The following GRB2 variants were observed in gnomAD, a reference collection of about 807,000 sequenced individuals.
The protein encoded by GRB2 is growth factor receptor bound protein 2.
Under a neutral mutation model 27.4 loss-of-function variants are expected in GRB2, and 2 were observed. That is an observed-to-expected ratio of 0.07 (90% CI 0.03 to 0.23). GRB2 has a LOEUF of 0.23. Ranked by LOEUF, GRB2 falls within the 10% of genes least tolerant of loss-of-function variation. The pLI is 1.00. For synonymous variants in GRB2, 94 were observed against 99.6 expected (o/e 0.94, Z 0.33); for missense variants, 102 against 282.4 (o/e 0.36, Z 4.58).
intron 1 of GRB2, among the ~76,000 whole-genome samples, chr17:75,395,483 G>A (rs996092972): frequency 6.6e-6 from 1 of 152,152 alleles, no homozygotes; most frequent in Admixed American, 6.5e-5. Context: ...AAACTAATCC[G>A]TGTACATAAT....
chr17:75,388,769 C>T (rs1366549771), intron 2 of GRB2, among the ~76,000 whole-genome samples: 1 of 151,958 alleles, frequency 6.6e-6, no homozygotes, highest in Non-Finnish European at 1.5e-5. Flanking sequence ...AATTTGAACC[C>T]CTGAAATGGG....
At chr17:75,386,298 T>C (rs1446784475) in intron 2 of GRB2, among the ~76,000 whole-genome samples, 1 of 152,156 alleles carries the variant, frequency 6.6e-6, no homozygotes, top group Admixed American at 6.6e-5. Context: ...TGTGTATTTT[T>C]AGTAGAAACG....
At chr17:75,395,789 A>G (rs1252729707) in intron 1 of GRB2, among the ~76,000 whole-genome samples, 1 of 151,872 alleles carries the variant, frequency 6.6e-6, no homozygotes, top group East Asian at 1.9e-4. Flanking sequence ...GTTATGAAAT[A>G]CTACTCACTG....
rs10611022 is a variant in GRB2 at position 75,319,316 on chromosome 17, TA to T, written c.*1051del. On this transcript the variant is annotated 3_prime_UTR_variant, in exon 6 of 6. Transcript: ENST00000316804. Reference sequence around the variant, plus strand: ...TAACTTATTTTAAAACAAAACAAATTAAAAAAAAAAAAAAAACACCACTCAG... The same window carrying T: ...TAACTTATTTTAAAACAAAACAAATTAAAAAAAAAAAAAAACACCACTCAG... The T allele has an allele frequency of 0.05, 6,897 of 138,840 alleles. 353 individuals are homozygous for T. The highest frequency in any genetic ancestry group is 0.14 in the African/African-American group (5,032 of 35,910). 8.6% of individuals were successfully genotyped at this position (138,840 alleles called of 1,614,324 possible). A position where few individuals can be genotyped will look rare whatever the true frequency, so the allele number is the denominator to read the frequency against.
At chr17:75,374,421 A>AT (rs1031376084) in intron 2 of GRB2, among the ~76,000 whole-genome samples, 8 of 151,240 alleles carry the variant, frequency 5.3e-5, no homozygotes, top group Non-Finnish European at 1.2e-4. Flanking sequence ...AAAAAAAAAA[A>AT]AAAGAATTCC....
chr17:75,320,641 G>C lies in GRB2; in HGVS notation c.469-88C>G. 1.1e-6 allele frequency: 1 copy of C among 900,132 alleles called. No individual in the cohort carries two copies. The highest frequency in any genetic ancestry group is 1.8e-6 in the Non-Finnish European group (1 of 563,588). The allele number at this position is 900,132 out of a possible 1,614,324, so 55.8% of individuals were successfully genotyped here. A position where few individuals can be genotyped will look rare whatever the true frequency, so the allele number is the denominator to read the frequency against. ...GGCCAGATGGGTTCCAGGGGGAAAC[G>C]AATGCGTGCCAAATTCTCCATGTTT... is the stretch of plus-strand genomic sequence containing the variant. On this transcript the variant is annotated intron_variant, in intron 5 of 5. Coordinates refer to ENST00000316804, the MANE Select transcript of GRB2 (RefSeq NM_002086.5). The surrounding 1 kb of genome is among the most constrained non-coding windows in gnomAD (Gnocchi z 4.3).
intron 2 of GRB2, among the ~76,000 whole-genome samples, chr17:75,379,146 G>GT (rs1208721178): frequency 1.3e-5 from 2 of 152,104 alleles, no homozygotes; most frequent in Non-Finnish European, 2.9e-5. Context: ...TGCAATAAAA[G>GT]TAACTATGGC....
chr17:75,345,740 A>G (rs962773172), intron 2 of GRB2, among the ~76,000 whole-genome samples: 6 of 151,750 alleles, frequency 4.0e-5, no homozygotes, highest in African/African-American at 1.5e-4. Flanking sequence ...GAATGCAGAG[A>G]GTTCAACAGG....
intron 2 of GRB2, among the ~76,000 whole-genome samples, chr17:75,363,793 G>C (rs2078801354): frequency 6.9e-6 from 1 of 145,030 alleles, no homozygotes; most frequent in Non-Finnish European, 1.5e-5. Context: ...CCGGGAGGTG[G>C]AGATTGCAGC....
intron 2 of GRB2, among the ~76,000 whole-genome samples, chr17:75,340,604 C>A (rs2078614268): frequency 6.6e-6 from 1 of 152,126 alleles, no homozygotes; most frequent in Non-Finnish European, 1.5e-5. Flanking sequence ...AATGGGAGAG[C>A]CACTCAAAGT....
At chr17:75,341,068 G>A (rs2145832993) in intron 2 of GRB2, among the ~76,000 whole-genome samples, 1 of 152,234 alleles carries the variant, frequency 6.6e-6, no homozygotes, top group South Asian at 2.1e-4. Flanking sequence ...CGCCAACCAG[G>A]CCAGGTGATA....
At chr17:75,330,932 T>C (rs1018049212) in intron 3 of GRB2, among the ~76,000 whole-genome samples, 12 of 152,192 alleles carry the variant, frequency 7.9e-5, no homozygotes, top group Admixed American at 4.6e-4. Context: ...ATTTGTTAAC[T>C]TGAATGCTGC....
At chr17:75,385,670 G>GGGAT (rs1420109040) in intron 2 of GRB2, among the ~76,000 whole-genome samples, 3 of 152,172 alleles carry the variant, frequency 2.0e-5, no homozygotes, top group Admixed American at 2.0e-4. Flanking sequence ...CAGTAAAATG[G>GGGAT]GGATAACAGC....
At chr17:75,353,184 CAA>C (rs71159495) in intron 2 of GRB2, among the ~76,000 whole-genome samples, 10 of 124,560 alleles carry the variant, frequency 8.0e-5, no homozygotes, top group African/African-American at 6.8e-5. Context: ...GACTCCGTCT[CAA>C]AAAAAAAAAA....
In GRB2 at chr17:75,405,636, C is replaced by T; in HGVS notation, c.-285G>A. ...CAGACTCTGCCACAGCCGCCGCCGC[C>T]GCTGCCGCCGCCCGGTCGCCGAAGC... On this transcript the variant is annotated 5_prime_UTR_variant, in exon 1 of 6. Coordinates refer to ENST00000316804, the MANE Select transcript of GRB2 (RefSeq NM_002086.5). The T allele has an allele frequency of 7.4e-5, 12 of 161,920 alleles. No homozygotes were observed. Among genetic ancestry groups the T allele is most frequent in the Non-Finnish European group, 1.5e-4 (11 of 74,240 alleles). The allele number at this position is 161,920 out of a possible 1,614,324, so 10.0% of individuals were successfully genotyped here.
chr17:75,339,189 G>A (rs558620387), intron 2 of GRB2: 31 of 669,160 alleles, frequency 4.6e-5, no homozygotes. Context: ...AAAATCCTGA[G>A]TTTATGTTTT....
chr17:75,399,079 G>A (rs781111904), intron 1 of GRB2, among the ~76,000 whole-genome samples: 35 of 152,056 alleles, frequency 2.3e-4, no homozygotes, highest in Non-Finnish European at 4.1e-4. Context: ...ACAGAGTCTC[G>A]CTCTATTGCC....
intron 4 of GRB2, among the ~76,000 whole-genome samples, chr17:75,324,497 A>ACCGCACC (rs1440444370): frequency 9.1e-6 from 1 of 109,978 alleles, no homozygotes; most frequent in Non-Finnish European, 1.7e-5. Context: ...GGTGTGAGCC[A>ACCGCACC]CCGCACCCAG....
chr17:75,394,313 G>C (rs2079017349), intron 1 of GRB2: 1 of 152,336 alleles, frequency 6.6e-6, no homozygotes, highest in Admixed American at 6.5e-5. Flanking sequence ...ACTAAACCAT[G>C]ATCTGCTCCC....
Sources: allele counts gnomAD v4.1 joint callset (sites outside exome capture counted in the v4.1 genomes callset), GRCh38; gene constraint gnomAD v4.1.1; non-coding constraint Gnocchi (gnomAD v3.1); transcripts MANE v1.5; gene names NCBI Gene and HGNC (gene_info 2026-07-23, HGNC 2026-07-21).